Variants in MAGI1 observed in about 807,000 individuals in gnomAD.
The protein encoded by MAGI1 is membrane associated guanylate kinase, WW and PDZ domain containing 1.
MAGI1 carries 58 observed loss-of-function variants against 139.9 expected under a neutral mutation model. That is an observed-to-expected ratio of 0.41 (90% CI 0.34 to 0.52). The LOEUF (loss-of-function observed/expected upper bound fraction) is 0.52, where lower values mean the gene tolerates loss of function less well. MAGI1 is among the 20% of genes least tolerant of loss of function. MAGI1 has a pLI of 0.12. For synonymous variants in MAGI1, 812 were observed against 737.9 expected (o/e 1.10, Z -1.63); for missense variants, 1,874 against 1,901.6 (o/e 0.99, Z 0.27).
rs114990776 is a variant in MAGI1, at chr3:66,018,934, G to C, written c.313+19062C>G. Among the ~76,000 whole-genome samples the C allele has an allele frequency of 5.4e-3, 815 of 151,706 alleles. 13 individuals carry two copies. The highest frequency in any genetic ancestry group is 0.019 in the African/African-American group (780 of 41,460). ...TGTTCAAGGCTTCCGGTAAATTCTC[G>C]TATCTTCCCTGAGCCATATCCAATT... On this transcript the variant is annotated intron_variant, in intron 1 of 22. Transcript: ENST00000402939.
chr3:65,747,612 T>G (rs902133194), intron 1 of MAGI1, among the ~76,000 whole-genome samples: 8 of 152,184 alleles, frequency 5.3e-5, no homozygotes. Flanking sequence ...CTCGAGTATA[T>G]TTAAGAGTCC....
At chr3:66,013,596 C>T (rs1336106479) in intron 1 of MAGI1, among the ~76,000 whole-genome samples, 1 of 151,236 alleles carries the variant, frequency 6.6e-6, no homozygotes, top group Non-Finnish European at 1.5e-5. Context: ...TCCGTCTCTA[C>T]TAAAAATACA....
intron 1 of MAGI1, among the ~76,000 whole-genome samples, chr3:65,965,319 T>C (rs996705332): frequency 1.2e-4 from 19 of 152,346 alleles, no homozygotes; most frequent in Middle Eastern, 3.4e-3. Context: ...CGTTACCCTT[T>C]TTAAAACCAC....
chr3:65,492,607 A>G (rs1271408732), intron 3 of MAGI1, among the ~76,000 whole-genome samples: 1 of 152,218 alleles, frequency 6.6e-6, no homozygotes, highest in Non-Finnish European at 1.5e-5. Flanking sequence ...CATGTACTAT[A>G]TACTACCTTT....
intron 2 of MAGI1, among the ~76,000 whole-genome samples, chr3:65,526,639 C>T (rs1343988846): frequency 6.6e-6 from 1 of 152,164 alleles, no homozygotes; most frequent in African/African-American, 2.4e-5. Context: ...CCAATTCTCT[C>T]CTCACATGCC....
At chr3:65,556,672 CTA>C (rs1226608972) in intron 2 of MAGI1, among the ~76,000 whole-genome samples, 1 of 152,200 alleles carries the variant, frequency 6.6e-6, no homozygotes, top group Admixed American at 6.5e-5. Flanking sequence ...GCCTAGACTA[CTA>C]TAATAGCTTT....
intron 1 of MAGI1, among the ~76,000 whole-genome samples, chr3:66,016,781 G>C (rs2107530688): frequency 6.6e-6 from 1 of 152,340 alleles, no homozygotes; most frequent in East Asian, 1.9e-4. Flanking sequence ...TGAGCAAAAT[G>C]GGGTACATAC....
intron 5 of MAGI1, among the ~76,000 whole-genome samples, chr3:65,461,821 C>G (rs1949820069): frequency 6.6e-6 from 1 of 152,190 alleles, no homozygotes; most frequent in Non-Finnish European, 1.5e-5. Flanking sequence ...GCCATTCTAA[C>G]TGGCATGAGA....
chr3:65,791,261 CGAAGCTGAAAAACCCAA>C (rs1235051629), intron 1 of MAGI1, among the ~76,000 whole-genome samples: 3 of 152,100 alleles, frequency 2.0e-5, no homozygotes, highest in Non-Finnish European at 2.9e-5. Flanking sequence ...TCTCCTCCTT[CGAAGCTGAAAAACCCAA>C]GAGGGGCGCA....
chr3:65,936,954 A>ATGGTGGTGG (rs1191208437), intron 1 of MAGI1, among the ~76,000 whole-genome samples: 1 of 148,242 alleles, frequency 6.7e-6, no homozygotes, highest in East Asian at 2.0e-4. Flanking sequence ...GGTGATGGTG[A>ATGGTGGTGG]TGGTGGTGGT....
intron 1 of MAGI1, among the ~76,000 whole-genome samples, chr3:65,997,345 G>A (rs963231258): frequency 6.6e-6 from 1 of 152,020 alleles, no homozygotes. Context: ...AAAGAATATC[G>A]GCCTCACAGA....
At chr3:65,930,852 C>G (rs1457847503) in intron 1 of MAGI1, among the ~76,000 whole-genome samples, 1 of 152,100 alleles carries the variant, frequency 6.6e-6, no homozygotes. Context: ...AGGAAGTTAC[C>G]GTATATGGTC....
chr3:65,358,990 A>C, intron 22 of MAGI1: 1 of 1,344,744 alleles, frequency 7.4e-7, no homozygotes, highest in Non-Finnish European at 1.1e-6. Context: ...AACATATCAA[A>C]ACAGAGCTAA....
At chr3:65,478,547 A>G in intron 4 of MAGI1, 45 bp downstream of exon 4, 5 of 1,569,992 alleles carry the variant, frequency 3.2e-6, no homozygotes, top group Non-Finnish European at 4.4e-6. Flanking sequence ...CCTCCTCGTC[A>G]TCCCTTCCCC....
intron 1 of MAGI1, among the ~76,000 whole-genome samples, chr3:65,820,080 C>T (rs912720230): frequency 6.6e-6 from 1 of 151,834 alleles, no homozygotes; most frequent in African/African-American, 2.4e-5. Context: ...GTTGATTGAC[C>T]TTTGAACAGA....
intron 5 of MAGI1, among the ~76,000 whole-genome samples, chr3:65,467,968 A>G (rs1950274862): frequency 6.6e-6 from 1 of 152,220 alleles, no homozygotes; most frequent in Non-Finnish European, 1.5e-5. Context: ...AACAATAACA[A>G]TAGTGATCAC....
intron 1 of MAGI1, among the ~76,000 whole-genome samples, chr3:65,652,353 G>T (rs1010042291): frequency 6.6e-6 from 1 of 152,086 alleles, no homozygotes; most frequent in Non-Finnish European, 1.5e-5. Context: ...TTAAATCAGG[G>T]CTCTCAATCT....
intron 1 of MAGI1, among the ~76,000 whole-genome samples, chr3:65,639,054 T>C (rs9859634): frequency 0.19 from 28,622 of 152,184 alleles, 3,352 homozygotes; most frequent in African/African-American, 0.32. Context: ...CTGCCCATTA[T>C]TTTCATTTGC....
chr3:65,686,239 T>C (rs1295388742), intron 1 of MAGI1, among the ~76,000 whole-genome samples: 4 of 152,156 alleles, frequency 2.6e-5, no homozygotes, highest in African/African-American at 9.7e-5. Context: ...TTGGGGGTTC[T>C]CCATAGATGG....
Sources: allele counts gnomAD v4.1 joint callset (sites outside exome capture counted in the v4.1 genomes callset), GRCh38; gene constraint gnomAD v4.1.1; transcripts MANE v1.5; gene names NCBI Gene and HGNC (gene_info 2026-07-23, HGNC 2026-07-21).